Variants in COG5 observed in about 807,000 individuals in gnomAD.
COG5 encodes the protein conserved oligomeric Golgi complex subunit 5.
A neutral mutation model predicts 110.4 loss-of-function variants in COG5; 86 were observed. The ratio of observed to expected loss-of-function variants is 0.78; its 90% CI spans 0.65 to 0.93. COG5 has a LOEUF of 0.93. COG5 is among the 40% of genes least tolerant of loss of function. COG5 has a pLI of 0.00. For synonymous variants in COG5, 360 were observed against 334.6 expected (o/e 1.08, Z -0.83); for missense variants, 1,077 against 987.0 (o/e 1.09, Z -1.22).
chr7:107,425,457 G>GT (rs2129075790), intron 6 of COG5, among the ~76,000 whole-genome samples: 1 of 149,462 alleles, frequency 6.7e-6, no homozygotes, highest in African/African-American at 2.5e-5. Context: ...ACATGATACC[G>GT]TAACAACTTC....
chr7:107,365,596 CAAAAAAAAAAAAAAAAA>C (rs71134263), intron 8 of COG5, among the ~76,000 whole-genome samples: 1 of 36,690 alleles, frequency 2.7e-5, no homozygotes, highest in Admixed American at 4.4e-4. Flanking sequence ...TGCAAAATGA[CAAAAAAAAAAAAAAAAA>C]AAAAAAAAAG....
At chr7:107,203,685 T>C in intron 21 of COG5, 55 bp from the exon 22 acceptor site, 1 of 1,078,188 alleles carries the variant, frequency 9.3e-7, no homozygotes, top group Admixed American at 1.7e-5. Flanking sequence ...CATAAAACAG[T>C]TAAGGGGATA....
intron 19 of COG5, among the ~76,000 whole-genome samples, chr7:107,227,024 A>G (rs773451223): frequency 6.6e-6 from 1 of 152,184 alleles, no homozygotes; most frequent in Non-Finnish European, 1.5e-5. Flanking sequence ...AGATACCAGA[A>G]TCCCAAGAGA....
At chr7:107,403,349 G>C (rs1206002427) in intron 7 of COG5, among the ~76,000 whole-genome samples, 6 of 151,678 alleles carry the variant, frequency 4.0e-5, no homozygotes, top group Admixed American at 6.6e-5. Flanking sequence ...TTGGGTATCT[G>C]ATAAGGGCTC....
At chr7:107,534,957 A>G (rs940232757) in intron 5 of COG5, among the ~76,000 whole-genome samples, 2 of 151,676 alleles carry the variant, frequency 1.3e-5, no homozygotes, top group African/African-American at 4.9e-5. Flanking sequence ...AATGGAAATC[A>G]TAACCAACAG....
In COG5 at chr7:107,352,652, G is replaced by A. The variant is rs374867354; in HGVS notation, c.1026+9381C>T. Among the ~76,000 whole-genome samples, 6 of 100,614 alleles carry A rather than the reference G, an allele frequency of 6.0e-5. No homozygotes were observed. In the East Asian group the frequency reaches 1.5e-3, roughly 26 times the overall value. The allele number at this position is 100,614 out of a possible 152,430, so 66.0% of individuals were successfully genotyped here. A position where few individuals can be genotyped will look rare whatever the true frequency, so the allele number is the denominator to read the frequency against. On this transcript the variant is annotated intron_variant, in intron 10 of 21. Coordinates refer to ENST00000297135, the MANE Select transcript of COG5 (RefSeq NM_006348.5). ...AAATTTGGATATCCTAAATTTTTGA[G>A]TTACAGTCTTTAATGCTATTTTCAA...
intron 8 of COG5, among the ~76,000 whole-genome samples, chr7:107,364,342 A>T (rs1388194517): frequency 6.6e-6 from 1 of 152,356 alleles, no homozygotes; most frequent in Non-Finnish European, 1.5e-5. Flanking sequence ...CAGCCAACAG[A>T]AAAGCATGAT....
chr7:107,206,600 A>G (rs1200067939), intron 21 of COG5, among the ~76,000 whole-genome samples: 1 of 152,198 alleles, frequency 6.6e-6, no homozygotes, highest in Admixed American at 6.5e-5. Flanking sequence ...GTATCAGCGT[A>G]TAAGAAGTGT....
intron 10 of COG5, among the ~76,000 whole-genome samples, chr7:107,330,168 C>T (rs1810116544): frequency 6.6e-6 from 1 of 152,206 alleles, no homozygotes; most frequent in South Asian, 2.1e-4. Flanking sequence ...ATCACGTTAT[C>T]AGATCAATTC....
chr7:107,408,003 G>C (rs1352666871), intron 7 of COG5, among the ~76,000 whole-genome samples: 2 of 152,172 alleles, frequency 1.3e-5, no homozygotes, highest in African/African-American at 4.8e-5. Context: ...TGTGGAAGCA[G>C]TATGAGTATT....
intron 8 of COG5, among the ~76,000 whole-genome samples, chr7:107,372,156 A>G (rs1325694014): frequency 6.6e-6 from 1 of 152,146 alleles, no homozygotes; most frequent in African/African-American, 2.4e-5. Flanking sequence ...ATCAGTTTCT[A>G]TGTCCACAGT....
At chr7:107,525,607 C>G (rs1288123599) in intron 6 of COG5, among the ~76,000 whole-genome samples, 1 of 151,030 alleles carries the variant, frequency 6.6e-6, no homozygotes, top group Non-Finnish European at 1.5e-5. Context: ...GGGTGGAGAA[C>G]AGTGGTGCAA....
intron 11 of COG5, among the ~76,000 whole-genome samples, chr7:107,320,473 T>C (rs1809159375): frequency 6.6e-6 from 1 of 152,212 alleles, no homozygotes; most frequent in African/African-American, 2.4e-5. Flanking sequence ...GTAGGAAATA[T>C]AATCTTGTTT....
intron 6 of COG5, among the ~76,000 whole-genome samples, chr7:107,492,332 G>A (rs899192485): frequency 6.6e-6 from 1 of 152,012 alleles, no homozygotes; most frequent in Non-Finnish European, 1.5e-5. Context: ...GCATGTATTA[G>A]TTTCTTATTG....
intron 19 of COG5, among the ~76,000 whole-genome samples, chr7:107,222,198 T>TC (rs1277027817): frequency 6.1e-5 from 9 of 148,168 alleles, no homozygotes; most frequent in East Asian, 5.9e-4. Context: ...TAATCACCTG[T>TC]CCCCCCCTTT....
chr7:107,519,687 G>A (rs1475979998), intron 6 of COG5, among the ~76,000 whole-genome samples: 1 of 152,078 alleles, frequency 6.6e-6, no homozygotes, highest in African/African-American at 2.4e-5. Flanking sequence ...AGGACCAGAC[G>A]GATTCACAGC....
At chr7:107,402,077 T>C (rs1328002609) in intron 7 of COG5, among the ~76,000 whole-genome samples, 5 of 152,206 alleles carry the variant, frequency 3.3e-5, no homozygotes. Flanking sequence ...GTATACTATA[T>C]AGATATTTAT....
chr7:107,229,742 A>C (rs1800629230), intron 19 of COG5, among the ~76,000 whole-genome samples: 1 of 151,256 alleles, frequency 6.6e-6, no homozygotes, highest in Non-Finnish European at 1.5e-5. Context: ...CTCAGTACTA[A>C]ATTTTTTGCT....
At chr7:107,547,199 G>A (rs1407159686) in intron 5 of COG5, among the ~76,000 whole-genome samples, 1 of 152,102 alleles carries the variant, frequency 6.6e-6, no homozygotes, top group Non-Finnish European at 1.5e-5. Context: ...ATTTATCTCT[G>A]GGGTGCAGGG....
Sources: gnomAD v4.1 joint callset for allele counts (sites outside exome capture counted in the v4.1 genomes callset) on GRCh38, gnomAD v4.1.1 for gene constraint, MANE v1.5 for transcripts, NCBI Gene and HGNC (gene_info 2026-07-23, HGNC 2026-07-21) for gene names.